SNRPN: variants seen among roughly 807,000 people sequenced by gnomAD.
The protein encoded by SNRPN is small nuclear ribonucleoprotein-associated protein N.
Under a neutral mutation model 25.2 loss-of-function variants are expected in SNRPN, and 7 were observed. The observed-to-expected ratio is 0.28, with a 90% confidence interval of 0.16 to 0.52. SNRPN has a LOEUF of 0.52. Among genes scored for constraint, SNRPN ranks in the 20% least tolerant of loss-of-function variants. SNRPN has a pLI of 0.96. For synonymous variants in SNRPN, 124 were observed against 110.6 expected, an observed-to-expected ratio of 1.12 and a Z score of -0.76; for missense variants, 196 against 322.5, an observed-to-expected ratio of 0.61 and a Z score of 3.00.
chr15:24,906,428 T>C (rs1365065357), intron 2 of SNRPN, among the ~76,000 whole-genome samples: 2 of 152,162 alleles, frequency 1.3e-5, no homozygotes, highest in Non-Finnish European at 1.5e-5. Context: ...CCACCGTACA[T>C]GGCTGGAAAA....
intron 1 of SNRPN, among the ~76,000 whole-genome samples, chr15:24,957,093 T>A (rs2063058592): frequency 6.6e-6 from 1 of 152,236 alleles, no homozygotes; most frequent in Non-Finnish European, 1.5e-5. Flanking sequence ...CCCTTTTTTT[T>A]AACTCCCTGT....
intron 1 of SNRPN, among the ~76,000 whole-genome samples, chr15:24,866,285 C>T (rs920622511): frequency 2.2e-4 from 34 of 152,112 alleles, no homozygotes; most frequent in Admixed American, 1.7e-3. Flanking sequence ...CTATGTATAA[C>T]ATGAGGTTTG....
chr15:24,893,289 C>T (rs1346835082), intron 2 of SNRPN, among the ~76,000 whole-genome samples: 1 of 151,536 alleles, frequency 6.6e-6, no homozygotes, highest in Non-Finnish European at 1.5e-5. Context: ...TATCAGCTTC[C>T]CATTAGGCCA....
intron 2 of SNRPN, among the ~76,000 whole-genome samples, chr15:24,905,508 C>CAA (rs11341629): frequency 4.1e-5 from 5 of 122,302 alleles, no homozygotes; most frequent in African/African-American, 6.2e-5. Flanking sequence ...GACTCCATCT[C>CAA]AAAAAAAAAA....
At chr15:24,887,714 C>G (rs1188725757) in intron 2 of SNRPN, among the ~76,000 whole-genome samples, 1 of 152,102 alleles carries the variant, frequency 6.6e-6, no homozygotes. Context: ...AGGCATCAGA[C>G]CTGGGATAGA....
chr15:24,901,840 C>T (rs80058748), intron 2 of SNRPN, among the ~76,000 whole-genome samples: 1 of 152,054 alleles, frequency 6.6e-6, no homozygotes. Context: ...GAAAAATTCA[C>T]AAGTGTAATG....
Position 24,862,868 on chromosome 15 carries a change from G to T in SNRPN, c.-579+6152G>T, listed in dbSNP as rs186124837. ...GTGTGTCTGGCACAGTTCAGGGCAT[G>T]AGATAAGGGCAGTGGGTTGGAAGGA... On this transcript the variant is annotated intron_variant, in intron 1 of 11. Transcript: ENST00000400097. Among the ~76,000 whole-genome samples, 281 of 150,664 alleles carry T rather than the reference G, an allele frequency of 1.9e-3. 22 individuals carry two copies. Among genetic ancestry groups the T allele is most frequent in the African/African-American group, 6.6e-3 (263 of 40,146 alleles).
chr15:24,935,328 A>G lies in SNRPN; in HGVS notation c.-391+15204A>G, dbSNP rs75820138. Among the ~76,000 whole-genome samples, 532 of 152,330 alleles carry G rather than the reference A, an allele frequency of 3.5e-3. 3 individuals carry two copies. The highest frequency in any genetic ancestry group is 8.6e-3 in the Admixed American group (131 of 15,296). On this transcript the variant is annotated intron_variant, in intron 3 of 11. Transcript: ENST00000400097. ...AGGTGAGATCATATGAAACATAAAT[A>G]TAAGTACTGATGTAGGGATTGTGCT...
At chr15:24,920,170 C>T (rs1383759904) in intron 3 of SNRPN, 1 of 152,150 alleles carries the variant, frequency 6.6e-6, no homozygotes, top group African/African-American at 2.4e-5. Flanking sequence ...TCCTTACCTT[C>T]CACTTGCATG....
chr15:24,950,107 C>T (rs78155061), upstream of SNRPN, among the ~76,000 whole-genome samples: 5 of 152,236 alleles, frequency 3.3e-5, no homozygotes, highest in East Asian at 9.6e-4. Context: ...CAGGCATGAG[C>T]CATTGCACCT....
intron 2 of SNRPN, among the ~76,000 whole-genome samples, chr15:24,836,211 G>A (rs142061069): frequency 3.9e-5 from 6 of 152,088 alleles, no homozygotes; most frequent in Non-Finnish European, 4.4e-5. Context: ...AGGGACACCA[G>A]GCAGATAGGA....
At chr15:24,941,440 T>A (rs568302307) in intron 3 of SNRPN, among the ~76,000 whole-genome samples, 1 of 152,354 alleles carries the variant, frequency 6.6e-6, no homozygotes, top group South Asian at 2.1e-4. Context: ...TCCATTGTCC[T>A]CAGCAAGCAC....
intron 1 of SNRPN, among the ~76,000 whole-genome samples, chr15:24,885,380 C>T (rs1365761643): frequency 6.6e-6 from 1 of 152,156 alleles, no homozygotes; most frequent in Non-Finnish European, 1.5e-5. Flanking sequence ...AAAAGGTGTT[C>T]CTTTAAAATC....
intron 5 of SNRPN, 127 bp downstream of exon 5, chr15:24,975,636 G>A: frequency 1.3e-6 from 1 of 743,406 alleles, no homozygotes; most frequent in Non-Finnish European, 2.3e-6. Context: ...CCAGTCTATT[G>A]TTTAACCTCT....
intron 1 of SNRPN, among the ~76,000 whole-genome samples, chr15:24,956,565 C>T (rs139563936): frequency 6.5e-4 from 99 of 152,300 alleles, no homozygotes; most frequent in African/African-American, 2.2e-3. Context: ...AGGTGACAGT[C>T]GCCTCCGCTT....
intron 1 of SNRPN, among the ~76,000 whole-genome samples, chr15:24,859,062 A>G (rs1039621021): frequency 2.6e-5 from 4 of 151,916 alleles, no homozygotes; most frequent in Non-Finnish European, 5.9e-5. Flanking sequence ...AGAAAGTTCA[A>G]TTGTCTAGCC....
intron 2 of SNRPN, among the ~76,000 whole-genome samples, chr15:24,903,013 G>A (rs2058566817): frequency 6.6e-6 from 1 of 152,154 alleles, no homozygotes; most frequent in Non-Finnish European, 1.5e-5. Context: ...TTTACAGAGT[G>A]CTGATTGGTG....
intron 2 of SNRPN, chr15:24,848,258 G>GGGCGGCGGCGGGGGCGAGGGCGGC (rs71312669): frequency 8.1e-6 from 1 of 124,148 alleles, no homozygotes; most frequent in Admixed American, 8.4e-5. Flanking sequence ...GCGGGGGCGG[G>GGGCGGCGGCGGGGGCGAGGGCGGC]GGCGGGGGCG....
At chr15:24,826,197 G>A (rs148742491) in intron 1 of SNRPN, among the ~76,000 whole-genome samples, 2 of 152,158 alleles carry the variant, frequency 1.3e-5, no homozygotes, top group African/African-American at 4.8e-5. Flanking sequence ...GCTGGCATAA[G>A]TCAATTTCTG....
Sources: allele counts gnomAD v4.1 joint callset (sites outside exome capture counted in the v4.1 genomes callset), GRCh38; gene constraint gnomAD v4.1.1; transcripts MANE v1.5; gene names NCBI Gene and HGNC (gene_info 2026-07-23, HGNC 2026-07-21).